The following APOLD1 variants were observed in gnomAD, a reference collection of about 807,000 sequenced individuals.
The protein encoded by APOLD1 is apolipoprotein L domain containing 1.
APOLD1 carries 22 observed loss-of-function variants against 15.3 expected under a neutral mutation model. The ratio of observed to expected loss-of-function variants is 1.44; its 90% confidence interval spans 1.03 to 2.05. The LOEUF is 2.05. Ranked by LOEUF, APOLD1 falls within the 30% of genes most tolerant of loss-of-function variation. The pLI is 0.00. For synonymous variants in APOLD1, 190 were observed against 167.4 expected, an observed-to-expected ratio of 1.13 and a Z score of -1.04; for missense variants, 394 against 353.5, an observed-to-expected ratio of 1.11 and a Z score of -0.92.
chr12:12,747,580 C>T (rs1440811004), intron 1 of APOLD1, among the ~76,000 whole-genome samples: 3 of 152,172 alleles, frequency 2.0e-5, no homozygotes, highest in Admixed American at 2.0e-4. Flanking sequence ...TATTGGGAAG[C>T]TCTTCTGACT....
chr12:12,740,079 T>C (rs1184408096), intron 1 of APOLD1, among the ~76,000 whole-genome samples: 1 of 151,872 alleles, frequency 6.6e-6, no homozygotes, highest in Non-Finnish European at 1.5e-5. Flanking sequence ...CCTCCCAGGT[T>C]CAAGCGATTC....
chr12:12,783,779 G>A (rs145219734), upstream of APOLD1, among the ~76,000 whole-genome samples: 4 of 151,848 alleles, frequency 2.6e-5, no homozygotes, highest in East Asian at 3.9e-4. Context: ...GACTACAGGT[G>A]TGAGTCACTA....
chr12:12,761,316 T>TA (rs1946896943), intron 1 of APOLD1, among the ~76,000 whole-genome samples: 1 of 152,314 alleles, frequency 6.6e-6, no homozygotes, highest in African/African-American at 2.4e-5. Context: ...TTTTTAGGTT[T>TA]AAAAATATCC....
chr12:12,735,371 C>T (rs73281163), intron 1 of APOLD1, among the ~76,000 whole-genome samples: 6,425 of 151,996 alleles, frequency 0.042, 428 homozygotes, highest in African/African-American at 0.15. Context: ...GAGAATCCCT[C>T]CTAAAGAAAT....
chr12:12,765,861 T>C (rs1946939899), intron 1 of APOLD1, among the ~76,000 whole-genome samples: 1 of 152,140 alleles, frequency 6.6e-6, no homozygotes, highest in Non-Finnish European at 1.5e-5. Flanking sequence ...CAGAGTGAGG[T>C]GCTGTCTCAA....
intron 1 of APOLD1, among the ~76,000 whole-genome samples, chr12:12,735,599 C>T (rs970145990): frequency 1.3e-5 from 2 of 152,054 alleles, no homozygotes; most frequent in Non-Finnish European, 2.9e-5. Context: ...GAATTTTGGA[C>T]TTTAAGTGCA....
At chr12:12,747,731 T>C (rs1946777554) in intron 1 of APOLD1, among the ~76,000 whole-genome samples, 1 of 152,202 alleles carries the variant, frequency 6.6e-6, no homozygotes, top group Admixed American at 6.5e-5. Context: ...ATTGGGCCCT[T>C]CTTGCAACAT....
At chr12:12,741,740 T>C (rs1946730596) in intron 1 of APOLD1, among the ~76,000 whole-genome samples, 1 of 152,242 alleles carries the variant, frequency 6.6e-6, no homozygotes, top group South Asian at 2.1e-4. Flanking sequence ...CTAACATTTG[T>C]GGAGCACTCA....
At position 12,787,064 on chromosome 12, in the gene APOLD1, C is replaced by CA. The variant is rs1425517511; in HGVS notation, c.159_160insA (p.Val54SerfsTer138). 3.6e-6 allele frequency: 5 copies of CA among 1,392,148 alleles called. No individual in the cohort carries two copies. In the South Asian group the frequency reaches 8.1e-5, roughly 22 times the overall value. 86.2% of individuals were successfully genotyped at this position (1,392,148 alleles called of 1,614,324 possible). A position where few individuals can be genotyped will look rare whatever the true frequency, so the allele number is the denominator to read the frequency against. The stretch of plus-strand genomic sequence containing the variant: ...TGGAGCGCCTGCGCAGGCGCTCCCT[C>CA]GTAGCCAACGTGGCCGGCAGCTCGC... On this transcript the variant is annotated frameshift_variant, in exon 2 of 2. Coordinates refer to ENST00000356591, the MANE Select transcript of APOLD1 (RefSeq NM_030817.3). LOFTEE classifies it high-confidence loss of function. The surrounding 1 kb of genome is among the most constrained non-coding windows in gnomAD (Gnocchi z 4.9).
intron 1 of APOLD1, 90 bp from the exon 2 acceptor site, chr12:12,786,819 T>A: frequency 7.6e-7 from 1 of 1,318,636 alleles, no homozygotes; most frequent in Non-Finnish European, 9.6e-7. Flanking sequence ...GCTGAACTCG[T>A]GCCAAGTTCC....
At chr12:12,744,287 C>T (rs2136375282) in intron 1 of APOLD1, among the ~76,000 whole-genome samples, 1 of 137,824 alleles carries the variant, frequency 7.3e-6, no homozygotes, top group African/African-American at 2.8e-5. Context: ...CCAGCCTGGG[C>T]AATAGAGCCA....
intron 1 of APOLD1, among the ~76,000 whole-genome samples, chr12:12,737,233 TAA>T (rs200998135): frequency 6.6e-6 from 1 of 151,824 alleles, no homozygotes. Flanking sequence ...GTTTTTTTTT[TAA>T]ATTGAAGATT....
intron 1 of APOLD1, among the ~76,000 whole-genome samples, chr12:12,772,182 C>T (rs1946993161): frequency 6.6e-6 from 1 of 152,060 alleles, no homozygotes; most frequent in South Asian, 2.1e-4. Flanking sequence ...TCTAAATTCA[C>T]CAGTTAAAAG....
chr12:12,787,121 G>A lies in APOLD1; in HGVS notation c.216G>A (p.Val72=). The change falls in exon 2 of 2, where the codon GTG becomes GTA. Residue 72 remains valine (V), a synonymous_variant. Coordinates refer to ENST00000356591, the MANE Select transcript of APOLD1 (RefSeq NM_030817.3). The surrounding 1 kb of genome is among the most constrained non-coding windows in gnomAD (Gnocchi z 4.9). ...CAACGGGCGCCCTCGCCGCCATCGT[G>A]GGGCTCTCGCTCAGCCCGGTCACCC... ...LSATGALAAI[V]GLSLSPVTLG... The A allele has an allele frequency of 6.9e-7, 1 of 1,449,056 alleles. No homozygotes were observed. Among genetic ancestry groups the A allele is most frequent in the Non-Finnish European group, 9.0e-7 (1 of 1,112,292 alleles). The allele number at this position is 1,449,056 out of a possible 1,614,324, so 89.8% of individuals were successfully genotyped here.
chr12:12,749,531 A>C (rs1946791417), intron 1 of APOLD1, among the ~76,000 whole-genome samples: 1 of 152,176 alleles, frequency 6.6e-6, no homozygotes, highest in African/African-American at 2.4e-5. Flanking sequence ...TAGAAGTGCA[A>C]CTTTGTAACT....
chr12:12,749,869 C>T (rs77063890), intron 1 of APOLD1, among the ~76,000 whole-genome samples: 207 of 152,200 alleles, frequency 1.4e-3, no homozygotes, highest in Non-Finnish European at 2.2e-3. Flanking sequence ...GGCATTTTGT[C>T]CAATTATTTG....
chr12:12,791,013 G>A lies in APOLD1; in HGVS notation c.*3361G>A, dbSNP rs1209469751. 6.6e-6 allele frequency: 1 copy of A among 152,144 alleles called. No individual in the cohort carries two copies. The highest frequency in any genetic ancestry group is 1.5e-5 in the Non-Finnish European group (1 of 68,022). The allele number at this position is 152,144 out of a possible 1,614,324, so 9.4% of individuals were successfully genotyped here. ...GTATGTTTGTTCTAAATGTTTAAGT[G>A]CTTCTCTGTTAGGTTCTGGGGCTTG... On this transcript the variant is annotated 3_prime_UTR_variant, in exon 2 of 2. Coordinates refer to ENST00000356591, the MANE Select transcript of APOLD1 (RefSeq NM_030817.3).
intron 1 of APOLD1, among the ~76,000 whole-genome samples, chr12:12,786,168 G>T (rs1947122367): frequency 6.6e-6 from 1 of 152,142 alleles, no homozygotes; most frequent in Admixed American, 6.5e-5. Flanking sequence ...ATTTTTAAAA[G>T]AAAACTTTCA....
rs185798762 is a variant in APOLD1, at chr12:12,749,716, G to A, written c.96+23620G>A. ...CAAGTGGCCCATGGGAAACCTGTAGGGGGTATTTGGACCCAACAGAATTCT... is the reference window on the plus strand; with the variant it reads ...CAAGTGGCCCATGGGAAACCTGTAGAGGGTATTTGGACCCAACAGAATTCT... On this transcript the variant is annotated intron_variant, in intron 1 of 1. Transcript: ENST00000326765. 1.3e-3 allele frequency among the ~76,000 whole-genome samples: 197 copies of A among 152,260 alleles called. 1 individual carries two copies. In the Middle Eastern group the frequency reaches 0.027, roughly 21 times the overall value.
Sources: allele counts gnomAD v4.1 joint callset (sites outside exome capture counted in the v4.1 genomes callset), GRCh38; gene constraint gnomAD v4.1.1; non-coding constraint Gnocchi (gnomAD v3.1); transcripts MANE v1.5; gene names NCBI Gene and HGNC (gene_info 2026-07-23, HGNC 2026-07-21).